PLXNA2: variants seen among roughly 807,000 people sequenced by gnomAD.
PLXNA2 encodes plexin-A2.
PLXNA2 carries 91 observed loss-of-function variants against 193.5 expected under a neutral mutation model. That is an observed-to-expected ratio of 0.47 (90% confidence interval 0.40 to 0.56). The LOEUF is 0.56. PLXNA2 is among the 20% of genes least tolerant of loss of function. PLXNA2 has a pLI of 0.00. For missense variants in PLXNA2, 1,995 were observed against 2,503.2 expected (o/e 0.80, Z 4.33); for synonymous variants, 997 against 1,027.3 (o/e 0.97, Z 0.56).
At chr1:208,058,805 T>G (rs1012284240) in intron 13 of PLXNA2, among the ~76,000 whole-genome samples, 1 of 152,192 alleles carries the variant, frequency 6.6e-6, no homozygotes, top group Non-Finnish European at 1.5e-5. Flanking sequence ...GCAGTACATT[T>G]CCTTTCATAA....
In PLXNA2 at chr1:208,217,468, G is replaced by A. The variant is rs267598348; in HGVS notation, c.455C>T (p.Ser152Phe). 1 of 1,614,198 alleles carries A rather than the reference G, an allele frequency of 6.2e-7. No homozygotes were observed. The highest frequency in any genetic ancestry group is 8.5e-7 in the Non-Finnish European group (1 of 1,180,036). The part of the protein sequence containing the change: ...LDDLFILVEP[S>F]HKKEHYLSSV... ...GGACAGGTAGTGCTCCTTCTTGTGG[G>A]ATGGCTCCACCAGGATGAAGAGGTC... is the stretch of plus-strand genomic sequence containing the variant. The change falls in exon 2 of 32, where the codon TCC (serine) becomes TTC (phenylalanine). Residue 152 changes from serine to phenylalanine, a missense_variant. Ser to Phe is a radical substitution (Grantham distance 155). Coordinates refer to ENST00000367033, the MANE Select transcript of PLXNA2 (RefSeq NM_025179.4). This position sits in a 1 kb window ranked among gnomAD's most constrained non-coding sequence, Gnocchi z 4.7.
chr1:208,185,840 G>A (rs1165548622), intron 3 of PLXNA2, among the ~76,000 whole-genome samples: 1 of 152,016 alleles, frequency 6.6e-6, no homozygotes, highest in Non-Finnish European at 1.5e-5. Flanking sequence ...GGCACTTAGA[G>A]ACAGGTGTGG....
chr1:208,184,773 T>G (rs985507772), intron 3 of PLXNA2, among the ~76,000 whole-genome samples: 1 of 152,130 alleles, frequency 6.6e-6, no homozygotes, highest in South Asian at 2.1e-4. Context: ...ACACGCCTCA[T>G]GCAGTTCCAG....
At chr1:208,237,723 T>G (rs1478125211) in intron 1 of PLXNA2, among the ~76,000 whole-genome samples, 3 of 152,224 alleles carry the variant, frequency 2.0e-5, no homozygotes, top group African/African-American at 7.2e-5. Flanking sequence ...GCAAAGGCTT[T>G]GAGGAGCTGT....
chr1:208,071,583 G>T lies in PLXNA2; in HGVS notation c.2586+7677C>A, dbSNP rs373174169. 7.5e-4 allele frequency among the ~76,000 whole-genome samples: 115 copies of T among 152,332 alleles called. No individual in the cohort carries two copies. The South Asian group carries it at 0.012, about 15-fold the overall frequency. ...CAGTAGGCTAGAGCCCAGCTGACGA[G>T]CTCTGTAGGAATCTATGGCATTGGC... On this transcript the variant is annotated intron_variant, in intron 12 of 31. Coordinates refer to ENST00000367033, the MANE Select transcript of PLXNA2 (RefSeq NM_025179.4).
chr1:208,240,934 CCAAA>C (rs1360868946), intron 1 of PLXNA2, among the ~76,000 whole-genome samples: 1 of 152,034 alleles, frequency 6.6e-6, no homozygotes, highest in East Asian at 1.9e-4. Context: ...CTCCCCCACA[CCAAA>C]CCCTATATCT....
intron 3 of PLXNA2, among the ~76,000 whole-genome samples, chr1:208,160,460 C>T (rs537004436): frequency 6.6e-6 from 1 of 152,338 alleles, no homozygotes; most frequent in South Asian, 2.1e-4. Flanking sequence ...GAGGGAGGAA[C>T]ACAGAACTAG....
intron 2 of PLXNA2, 135 bp downstream of exon 2, chr1:208,216,600 T>C: frequency 1.0e-6 from 1 of 990,520 alleles, no homozygotes. Context: ...GGTTACCACC[T>C]GATAACCTGA....
At chr1:208,034,367 G>A (rs745459737) in intron 27 of PLXNA2, 126 bp downstream of exon 27, 7 of 655,554 alleles carry the variant, frequency 1.1e-5, no homozygotes, top group Non-Finnish European at 1.9e-5. Context: ...AAACCAACTG[G>A]CAGGAGCCTG....
chr1:208,045,177 C>T lies in PLXNA2; in HGVS notation c.3529G>A (p.Ala1177Thr), dbSNP rs1402413866. 1 of 1,614,052 alleles carries T rather than the reference C, an allele frequency of 6.2e-7. No homozygotes were observed. ...KNLCPPASGGAKLNYTVLIGE... is the reference protein window; with the variant it reads ...KNLCPPASGGTKLNYTVLIGE... ...ATGAGCACAGTGTAGTTGAGTTTGG[C>T]CCCTCCAGAGGCAGGAGGGCAGAGG... Residue 1177 changes from alanine (A) to threonine (T), a missense_variant, in exon 19 of 32, where the codon GCC becomes ACC. Physicochemically the swap from Ala to Thr is moderately conservative, Grantham distance 58. Around this residue, in one of 3 missense-constraint regions of PLXNA2, gnomAD observed 1,291 missense variants for 1,673.6 expected, o/e 0.77. Coordinates refer to ENST00000367033, the MANE Select transcript of PLXNA2 (RefSeq NM_025179.4).
chr1:208,216,193 T>C (rs1671124078), intron 2 of PLXNA2, among the ~76,000 whole-genome samples: 2 of 152,218 alleles, frequency 1.3e-5, no homozygotes. Context: ...CTGAATTCTT[T>C]GCACATTCTC....
Position 208,045,992 on chromosome 1 carries a change from T to A in PLXNA2, c.3381A>T (p.Gln1127His). ...DEFGFVFNNV[Q>H]SLLIYNDTKF... Reference sequence around the variant, plus strand: ...TGGTGTCGTTGTAAATTAGCAAGGATTGGACATTGTTAAAGACAAATCCAA... The same window carrying A: ...TGGTGTCGTTGTAAATTAGCAAGGAATGGACATTGTTAAAGACAAATCCAA... Residue 1127 changes from glutamine to histidine, a missense_variant, in exon 18 of 32, where the codon CAA (glutamine) becomes CAT (histidine). Around this residue, in one of 3 missense-constraint regions of PLXNA2, gnomAD observed 1,291 missense variants for 1,673.6 expected, o/e 0.77. Coordinates refer to ENST00000367033, the MANE Select transcript of PLXNA2 (RefSeq NM_025179.4). The A allele has an allele frequency of 6.2e-7, 1 of 1,614,226 alleles. No individual in the cohort carries two copies. The highest frequency in any genetic ancestry group is 8.5e-7 in the Non-Finnish European group (1 of 1,180,036).
chr1:208,226,776 T>C (rs1042884645), intron 1 of PLXNA2, among the ~76,000 whole-genome samples: 16 of 152,336 alleles, frequency 1.1e-4, no homozygotes, highest in African/African-American at 3.8e-4. Flanking sequence ...GCAGCTGCCT[T>C]CCCTGCCACC....
chr1:208,209,139 G>A (rs1414243573), intron 3 of PLXNA2, among the ~76,000 whole-genome samples: 1 of 152,172 alleles, frequency 6.6e-6, no homozygotes, highest in Non-Finnish European at 1.5e-5. Context: ...CAGCAAGTGA[G>A]GAAATGGTTA....
At position 208,044,108 on chromosome 1, in the gene PLXNA2, C is replaced by T. The variant is rs1156461641; in HGVS notation, c.3874+400G>A. On this transcript the variant is annotated intron_variant, in intron 20 of 31. Transcript: ENST00000367033. The surrounding 1 kb of genome is among the most constrained non-coding windows in gnomAD (Gnocchi z 4.9). Reference sequence around the variant, plus strand: ...GCAGGTGCTTGTCTGCCTTTGCTGCCGCTGCTCCCACGTGCTGCGAAGACA... The same window carrying T: ...GCAGGTGCTTGTCTGCCTTTGCTGCTGCTGCTCCCACGTGCTGCGAAGACA... 6.6e-6 allele frequency among the ~76,000 whole-genome samples: 1 copy of T among 152,280 alleles called. No individual in the cohort carries two copies. The highest frequency in any genetic ancestry group is 2.1e-4 in the South Asian group (1 of 4,826).
intron 1 of PLXNA2, among the ~76,000 whole-genome samples, chr1:208,238,583 C>A (rs1671941559): frequency 6.6e-6 from 1 of 152,126 alleles, no homozygotes; most frequent in South Asian, 2.1e-4. Context: ...ATAAGAAAAG[C>A]CTCTGGACTC....
chr1:208,184,433 A>C (rs1247701922), intron 3 of PLXNA2, among the ~76,000 whole-genome samples: 1 of 151,944 alleles, frequency 6.6e-6, no homozygotes, highest in Non-Finnish European at 1.5e-5. Flanking sequence ...AAAAAAAAAA[A>C]AACCAAGGAA....
intron 6 of PLXNA2, among the ~76,000 whole-genome samples, chr1:208,097,473 C>G (rs1380236249): frequency 6.6e-6 from 1 of 152,132 alleles, no homozygotes; most frequent in Non-Finnish European, 1.5e-5. Context: ...TGAAATGGAC[C>G]AGTAGGTTCA....
Position 208,142,435 on chromosome 1 carries a change from C to T in PLXNA2, c.1400G>A (p.Gly467Glu). The T allele has an allele frequency of 6.2e-7, 1 of 1,612,154 alleles. No homozygotes were observed. Among genetic ancestry groups the T allele is most frequent in the Admixed American group, 1.7e-5 (1 of 59,470 alleles). Reference sequence around the variant, plus strand: ...CACAGAGACCATCTCGTACTGGACCCCACCATGGGGGGGACCGTCGGCCCG... The same window carrying T: ...CACAGAGACCATCTCGTACTGGACCTCACCATGGGGGGGACCGTCGGCCCG... ...KIRADGPPHGGVQYEMVSVLK... is the reference protein window; with the variant it reads ...KIRADGPPHGEVQYEMVSVLK... Residue 467 changes from glycine to glutamate, a missense_variant, in exon 4 of 32, where the codon GGG becomes GAG. Physicochemically the swap from Gly to Glu is moderately conservative, Grantham distance 98. This residue lies in a region of PLXNA2 where 702 missense variants were observed against 812.9 expected (regional missense o/e 0.86). Transcript: ENST00000367033.
Sources: gnomAD v4.1 joint callset for allele counts (sites outside exome capture counted in the v4.1 genomes callset) on GRCh38, gnomAD v4.1.1 for gene constraint, gnomAD v4.1.1 regional missense constraint, Gnocchi (gnomAD v3.1) non-coding constraint, MANE v1.5 for transcripts, NCBI Gene and HGNC (gene_info 2026-07-23, HGNC 2026-07-21) for gene names.